The following FARS2 variants were observed in gnomAD, a reference collection of about 807,000 sequenced individuals.
The protein encoded by FARS2 is phenylalanyl-tRNA synthetase 2, mitochondrial, also known as phenylalanine--tRNA ligase, mitochondrial.
Under a neutral mutation model 46.4 loss-of-function variants are expected in FARS2, and 40 were observed. That is an observed-to-expected ratio of 0.86 (90% CI 0.67 to 1.12). FARS2 has a LOEUF of 1.12. Among genes scored for constraint, FARS2 ranks in the 50% most tolerant of loss-of-function variants. FARS2 has a pLI of 0.00. For missense variants in FARS2, 513 were observed against 567.9 expected (o/e 0.90, Z 0.98); for synonymous variants, 234 against 214.9 (o/e 1.09, Z -0.78).
At chr6:5,527,023 C>T (rs1303364149) in intron 4 of FARS2, among the ~76,000 whole-genome samples, 1 of 150,784 alleles carries the variant, frequency 6.6e-6, no homozygotes, top group African/African-American at 2.4e-5. Flanking sequence ...AGTGGGTTTT[C>T]GTATTCTCCA....
At chr6:5,368,504 C>T in intron 1 of FARS2, 46 bp from the exon 2 acceptor site, 3 of 1,520,982 alleles carry the variant, frequency 2.0e-6, no homozygotes, top group Non-Finnish European at 2.7e-6. Flanking sequence ...ACTTGCTTTC[C>T]ACAGAGTGAC....
At chr6:5,561,517 A>G (rs1771984409) in intron 5 of FARS2, among the ~76,000 whole-genome samples, 2 of 152,162 alleles carry the variant, frequency 1.3e-5, no homozygotes, top group Admixed American at 1.3e-4. Context: ...GGAAAAGTCT[A>G]ATATTAATCA....
chr6:5,760,704 C>T (rs116651484), intron 6 of FARS2, among the ~76,000 whole-genome samples: 2 of 152,336 alleles, frequency 1.3e-5, no homozygotes, highest in Middle Eastern at 3.4e-3. Flanking sequence ...CAGCTATTTG[C>T]GATTCCTTGG....
Position 5,444,123 on chromosome 6 carries a change from GTGTA to G in FARS2, c.904+12955_904+12958del, listed in dbSNP as rs766077219. On this transcript the variant is annotated intron_variant, in intron 4 of 6. Coordinates refer to ENST00000274680, the MANE Select transcript of FARS2 (RefSeq NM_006567.5). The stretch of plus-strand genomic sequence containing the variant: ...TGTGTGTGTGTGTGTGTGTGTGTGT[GTGTA>G]TGTGTGCATGCACGCACGTGCATAT... 9.1e-3 allele frequency among the ~76,000 whole-genome samples: 1,373 copies of G among 150,796 alleles called. 25 individuals carry two copies. The highest frequency in any genetic ancestry group is 0.032 in the African/African-American group (1,306 of 40,866).
chr6:5,619,395 CAT>C (rs1383598615), intron 6 of FARS2, among the ~76,000 whole-genome samples: 1 of 152,144 alleles, frequency 6.6e-6, no homozygotes, highest in African/African-American at 2.4e-5. Context: ...CGATTCTGCT[CAT>C]AGACTCACTC....
intron 1 of FARS2, among the ~76,000 whole-genome samples, chr6:5,279,555 AAT>A (rs1766581039): frequency 1.4e-5 from 2 of 147,890 alleles, no homozygotes; most frequent in African/African-American, 2.5e-5. Flanking sequence ...AAAAAATATA[AAT>A]GTGTGTGTGT....
At chr6:5,395,654 A>G (rs1186370124) in intron 2 of FARS2, among the ~76,000 whole-genome samples, 3 of 152,198 alleles carry the variant, frequency 2.0e-5, no homozygotes, top group Non-Finnish European at 1.5e-5. Flanking sequence ...TTCTGGGAGT[A>G]GTTTCCATCT....
chr6:5,318,735 A>G (rs1029362096), intron 1 of FARS2, among the ~76,000 whole-genome samples: 1 of 152,114 alleles, frequency 6.6e-6, no homozygotes, highest in African/African-American at 2.4e-5. Flanking sequence ...CTCTATGCAA[A>G]TGAAGTAGTG....
chr6:5,299,524 T>C (rs1258581789), intron 1 of FARS2, among the ~76,000 whole-genome samples: 1 of 152,224 alleles, frequency 6.6e-6, no homozygotes, highest in Non-Finnish European at 1.5e-5. Flanking sequence ...GGTTGAAAGT[T>C]CATCAAAGTT....
chr6:5,589,948 C>T (rs746602307), intron 5 of FARS2, among the ~76,000 whole-genome samples: 7 of 152,168 alleles, frequency 4.6e-5, no homozygotes, highest in East Asian at 1.9e-4. Flanking sequence ...CGTTTCCATC[C>T]GCAGCCCCAC....
chr6:5,351,482 C>T (rs1757569605), intron 1 of FARS2, among the ~76,000 whole-genome samples: 1 of 152,166 alleles, frequency 6.6e-6, no homozygotes, highest in Non-Finnish European at 1.5e-5. Context: ...TGATATATTT[C>T]TTGTAATAGC....
intron 2 of FARS2, among the ~76,000 whole-genome samples, chr6:5,385,575 C>A (rs1444335850): frequency 7.9e-5 from 12 of 152,166 alleles, no homozygotes; most frequent in South Asian, 2.1e-4. Flanking sequence ...GCATGCACTA[C>A]CATGCCCAGC....
In FARS2 at chr6:5,471,423, T is replaced by A. The variant is rs190814359; in HGVS notation, c.904+40251T>A. 3.9e-5 allele frequency among the ~76,000 whole-genome samples: 6 copies of A among 152,362 alleles called. No homozygotes were observed. Among genetic ancestry groups the A allele is most frequent in the Admixed American group, 1.3e-4 (2 of 15,310 alleles). On this transcript the variant is annotated intron_variant, in intron 4 of 6. Coordinates refer to ENST00000274680, the MANE Select transcript of FARS2 (RefSeq NM_006567.5). This position sits in a 1 kb window ranked among gnomAD's most constrained non-coding sequence, Gnocchi z 4.1. ...TTCTTGCTCTGGCTAATATCCCAACTAGCCCTTCATTTACGAAGAACCAAA... is the reference window on the plus strand; with the variant it reads ...TTCTTGCTCTGGCTAATATCCCAACAAGCCCTTCATTTACGAAGAACCAAA...
intron 1 of FARS2, among the ~76,000 whole-genome samples, chr6:5,347,773 C>G (rs1757330854): frequency 6.6e-6 from 1 of 152,182 alleles, no homozygotes; most frequent in Non-Finnish European, 1.5e-5. Context: ...ACCAACAAAT[C>G]AGAGTTCTGC....
chr6:5,519,064 G>A (rs1217576327), intron 4 of FARS2, among the ~76,000 whole-genome samples: 1 of 152,150 alleles, frequency 6.6e-6, no homozygotes, highest in Non-Finnish European at 1.5e-5. Context: ...TTGATATGGT[G>A]TATAACATAC....
rs1760346480 is a variant in FARS2 at position 5,727,546 on chromosome 6, CTG to C, written c.1218-43742_1218-43741del. On this transcript the variant is annotated intron_variant, in intron 6 of 6. Transcript: ENST00000274680. This position sits in a 1 kb window ranked among gnomAD's most constrained non-coding sequence, Gnocchi z 4.1. ...GTCTCCATGTGGTCAGGACTTGGCT[CTG>C]TGAGTCTGCAGCCTTGTTCAGCCCT... is the stretch of plus-strand genomic sequence containing the variant. Among the ~76,000 whole-genome samples the C allele has an allele frequency of 6.6e-6, 1 of 152,186 alleles. No individual in the cohort carries two copies. The highest frequency in any genetic ancestry group is 2.4e-5 in the African/African-American group (1 of 41,430).
At chr6:5,761,354 T>C (rs957814095) in intron 6 of FARS2, among the ~76,000 whole-genome samples, 14 of 152,236 alleles carry the variant, frequency 9.2e-5, no homozygotes, top group Non-Finnish European at 1.5e-4. Context: ...CACTGTGTCA[T>C]GCACAGAACA....
intron 5 of FARS2, 28 bp downstream of exon 5, chr6:5,545,368 A>C (rs754179806): frequency 6.4e-7 from 1 of 1,568,472 alleles, no homozygotes; most frequent in South Asian, 1.2e-5. Context: ...AACTGAATAG[A>C]TAATAATAAA....
chr6:5,310,800 A>T (rs1738236811), intron 1 of FARS2, among the ~76,000 whole-genome samples: 1 of 152,242 alleles, frequency 6.6e-6, no homozygotes, highest in Non-Finnish European at 1.5e-5. Flanking sequence ...TTAACAAAAA[A>T]TCTATTTCAC....
Sources: gnomAD v4.1 joint callset for allele counts (sites outside exome capture counted in the v4.1 genomes callset) on GRCh38, gnomAD v4.1.1 for gene constraint, Gnocchi (gnomAD v3.1) non-coding constraint, MANE v1.5 for transcripts, NCBI Gene and HGNC (gene_info 2026-07-23, HGNC 2026-07-21) for gene names.